Variants in MYO5B observed in about 807,000 individuals in gnomAD.
MYO5B encodes myosin VB.
In MYO5B, 143 loss-of-function variants were observed where a neutral mutation model predicts 229.3. The observed-to-expected ratio is 0.62, with a 90% confidence interval of 0.54 to 0.72. The LOEUF is 0.72. Ranked by LOEUF, MYO5B falls within the 30% of genes least tolerant of loss-of-function variation. The pLI is 0.00. For missense variants in MYO5B, 2,321 were observed against 2,331.0 expected (o/e 1.00, Z 0.09); for synonymous variants, 918 against 885.2 (o/e 1.04, Z -0.66).
rs775449853 is a variant in MYO5B, at chr18:50,170,262, G to A, written c.27+24505C>T. Among the ~76,000 whole-genome samples the A allele has an allele frequency of 1.6e-4, 20 of 126,822 alleles. 5 individuals are homozygous for A. The highest frequency in any genetic ancestry group is 4.8e-4 in the African/African-American group (16 of 33,490). 83.2% of individuals were successfully genotyped at this position (126,822 alleles called of 152,430 possible). On this transcript the variant is annotated intron_variant, in intron 1 of 39. Coordinates refer to ENST00000285039, the MANE Select transcript of MYO5B (RefSeq NM_001080467.3). Reference sequence around the variant, plus strand: ...GGGCCTCCAGGATCTCTGTAGCACCGCAGCATCGCAATGAGTCAAAGCAGG... The same window carrying A: ...GGGCCTCCAGGATCTCTGTAGCACCACAGCATCGCAATGAGTCAAAGCAGG...
chr18:50,136,364 C>T (rs958093866), intron 1 of MYO5B, among the ~76,000 whole-genome samples: 3 of 131,758 alleles, frequency 2.3e-5, no homozygotes, highest in Admixed American at 7.8e-5. Flanking sequence ...TTTTTTTTTA[C>T]TTTTTTTTTT....
chr18:49,911,880 T>C (rs2024962110), intron 18 of MYO5B, among the ~76,000 whole-genome samples, 182 bp downstream of exon 18: 1 of 152,136 alleles, frequency 6.6e-6, no homozygotes, highest in African/African-American at 2.4e-5. Context: ...GGAAGTGCTC[T>C]AGATAAGGAG....
chr18:50,100,375 A>G (rs926712833), intron 1 of MYO5B, among the ~76,000 whole-genome samples: 3 of 152,206 alleles, frequency 2.0e-5, no homozygotes, highest in African/African-American at 7.2e-5. Context: ...TTTCAGACAC[A>G]AGACTCCCAG....
chr18:49,862,594 G>A (rs1232788691), intron 29 of MYO5B, among the ~76,000 whole-genome samples: 1 of 152,218 alleles, frequency 6.6e-6, no homozygotes, highest in African/African-American at 2.4e-5. Context: ...GGGGGTCTGC[G>A]TTCTGTCTGC....
intron 1 of MYO5B, among the ~76,000 whole-genome samples, chr18:50,114,842 C>A (rs951781028): frequency 2.0e-5 from 3 of 152,152 alleles, no homozygotes; most frequent in African/African-American, 7.2e-5. Flanking sequence ...CTTGATAAAG[C>A]CCATGACAGG....
chr18:50,077,168 T>G (rs1049200036), intron 1 of MYO5B, among the ~76,000 whole-genome samples: 3 of 81,232 alleles, frequency 3.7e-5, no homozygotes, highest in Admixed American at 1.6e-4. Flanking sequence ...TGTGGCAAAG[T>G]AAAAAAAAAA....
intron 1 of MYO5B, among the ~76,000 whole-genome samples, chr18:50,095,085 C>T (rs758240185): frequency 2.0e-5 from 3 of 152,182 alleles, no homozygotes; most frequent in Non-Finnish European, 4.4e-5. Flanking sequence ...TGACCTCAAC[C>T]CCACAAAGTG....
chr18:49,867,408 T>C (rs2024409209), intron 27 of MYO5B, among the ~76,000 whole-genome samples: 1 of 151,934 alleles, frequency 6.6e-6, no homozygotes, highest in African/African-American at 2.4e-5. Context: ...GGGCTAGAGA[T>C]GGATCAGTAT....
At chr18:49,883,194 A>G (rs4939911) in intron 22 of MYO5B, among the ~76,000 whole-genome samples, 32,059 of 152,194 alleles carry the variant, frequency 0.21, 3,736 homozygotes, top group East Asian at 0.41. Context: ...AATAGGCAAG[A>G]AAGATAAAAG....
rs1312507598 is a variant in MYO5B at position 49,825,090 on chromosome 18, A to G, written c.*1381T>C. 6.6e-6 allele frequency: 1 copy of G among 152,244 alleles called. No homozygotes were observed. Among genetic ancestry groups the G allele is most frequent in the Non-Finnish European group, 1.5e-5 (1 of 68,038 alleles). 9.4% of individuals were successfully genotyped at this position (152,244 alleles called of 1,614,324 possible). ...ATAAATCTTATTTTCTCAATGTAAT[A>G]CAGAGGCTGTTCTTCCATGATTTGC... is the stretch of plus-strand genomic sequence containing the variant. On this transcript the variant is annotated 3_prime_UTR_variant, in exon 40 of 40. Coordinates refer to ENST00000285039, the MANE Select transcript of MYO5B (RefSeq NM_001080467.3).
At chr18:50,186,464 AC>A (rs1187489556) in intron 1 of MYO5B, among the ~76,000 whole-genome samples, 1 of 152,200 alleles carries the variant, frequency 6.6e-6, no homozygotes, top group African/African-American at 2.4e-5. Flanking sequence ...CTTCTTTCAG[AC>A]TGCTCTTGCT....
chr18:49,858,906 CAGGG>C lies in MYO5B; in HGVS notation c.3945-2020_3945-2017del, dbSNP rs543157714. Among the ~76,000 whole-genome samples, 14 of 152,326 alleles carry C rather than the reference CAGGG, an allele frequency of 9.2e-5. No homozygotes were observed. In the South Asian group the frequency reaches 2.7e-3, roughly 29 times the overall value. The stretch of plus-strand genomic sequence containing the variant: ...CACTTAGGCCATTATGGGCCAAGGC[CAGGG>C]AGGGAGCGCCACCTCCTGGTGGGAA... On this transcript the variant is annotated intron_variant, in intron 29 of 39. Coordinates refer to ENST00000285039, the MANE Select transcript of MYO5B (RefSeq NM_001080467.3).
intron 3 of MYO5B, among the ~76,000 whole-genome samples, chr18:50,037,280 G>C (rs2026460173): frequency 6.6e-6 from 1 of 150,964 alleles, no homozygotes; most frequent in Non-Finnish European, 1.5e-5. Context: ...TAATAAAATA[G>C]ACATGTGCAA....
At chr18:49,907,585 A>G (rs1230199896) in intron 18 of MYO5B, among the ~76,000 whole-genome samples, 1 of 152,240 alleles carries the variant, frequency 6.6e-6, no homozygotes, top group Non-Finnish European at 1.5e-5. Context: ...CATAATGAGA[A>G]AGGAAGGAAT....
At chr18:49,890,862 T>C (rs1050134432) in intron 22 of MYO5B, among the ~76,000 whole-genome samples, 3 of 152,214 alleles carry the variant, frequency 2.0e-5, no homozygotes, top group Admixed American at 6.5e-5. Flanking sequence ...AATTTGTTTT[T>C]TAAAGTAGTG....
chr18:49,866,533 T>C (rs1411345279), intron 27 of MYO5B, among the ~76,000 whole-genome samples: 1 of 152,182 alleles, frequency 6.6e-6, no homozygotes, highest in Non-Finnish European at 1.5e-5. Flanking sequence ...GCTGCAACCA[T>C]CATTCTACTT....
intron 29 of MYO5B, among the ~76,000 whole-genome samples, chr18:49,862,516 G>A (rs1163708611): frequency 2.0e-5 from 3 of 152,262 alleles, no homozygotes; most frequent in East Asian, 1.9e-4. Context: ...GGCACCTATC[G>A]GTCATGTGAC....
intron 2 of MYO5B, 120 bp from the exon 3 acceptor site, chr18:50,040,434 T>A: frequency 9.3e-7 from 1 of 1,073,290 alleles, no homozygotes; most frequent in Non-Finnish European, 1.4e-6. Flanking sequence ...ATGAAGATAA[T>A]GTTTTAAAGA....
chr18:50,124,662 T>C (rs1261950133), intron 1 of MYO5B, among the ~76,000 whole-genome samples: 1 of 152,184 alleles, frequency 6.6e-6, no homozygotes, highest in African/African-American at 2.4e-5. Context: ...TCATCTGGAA[T>C]ATGCATAAAC....
Sources: allele counts gnomAD v4.1 joint callset (sites outside exome capture counted in the v4.1 genomes callset), GRCh38; gene constraint gnomAD v4.1.1; transcripts MANE v1.5; gene names NCBI Gene and HGNC (gene_info 2026-07-23, HGNC 2026-07-21).